The following WNT3 variants were observed in gnomAD, a reference collection of about 807,000 sequenced individuals.
The protein encoded by WNT3 is proto-oncogene Wnt-3.
In WNT3, 7 loss-of-function variants were observed where a neutral mutation model predicts 34.2. The ratio of observed to expected loss-of-function variants is 0.20; its 90% CI spans 0.12 to 0.38. The LOEUF (loss-of-function observed/expected upper bound fraction) is 0.38, where lower values mean the gene tolerates loss of function less well. WNT3 is among the 10% of genes least tolerant of loss of function. The probability of loss-of-function intolerance (pLI) is 1.00; values close to 1 mark genes in which losing one functional copy is unlikely to be tolerated. For synonymous variants in WNT3, 212 were observed against 211.5 expected, an observed-to-expected ratio of 1.00 and a Z score of -0.02; for missense variants, 267 against 499.8, an observed-to-expected ratio of 0.53 and a Z score of 4.44.
chr17:46,814,716 T>TC (rs35975804), intron 1 of WNT3, among the ~76,000 whole-genome samples: 1 of 152,060 alleles, frequency 6.6e-6, no homozygotes, highest in South Asian at 2.1e-4. Flanking sequence ...GGGGCCTTCC[T>TC]CCCCCGCAGT....
rs2059338674 is a variant in WNT3, at chr17:46,768,993, G to A, written c.589-194C>T. Among the ~76,000 whole-genome samples, 1 of 152,184 alleles carries A rather than the reference G, an allele frequency of 6.6e-6. No homozygotes were observed. Among genetic ancestry groups the A allele is most frequent in the Non-Finnish European group, 1.5e-5 (1 of 68,042 alleles). The stretch of plus-strand genomic sequence containing the variant: ...GTTTCCCTCCCCCTTCACACCCCAA[G>A]CATGGGTAGACAGCACGTCCACTTC... On this transcript the variant is annotated intron_variant, in intron 3 of 4. Transcript: ENST00000225512. The surrounding 1 kb of genome is among the most constrained non-coding windows in gnomAD (Gnocchi z 5.0).
Position 46,770,511 on chromosome 17 carries a change from CCT to C in WNT3, c.323-465_323-464del, listed in dbSNP as rs375491349. Reference sequence around the variant, plus strand: ...GAGGCCTGGGAATCTACAGCCTAAACCTGCCCAGGCCCACCCCTTCCGCACGT... The same window carrying C: ...GAGGCCTGGGAATCTACAGCCTAAACGCCCAGGCCCACCCCTTCCGCACGT... On this transcript the variant is annotated intron_variant, in intron 2 of 4. Transcript: ENST00000225512. Among the ~76,000 whole-genome samples, 600 of 152,284 alleles carry C rather than the reference CCT, an allele frequency of 3.9e-3. 5 individuals are homozygous for C. Among genetic ancestry groups the C allele is most frequent in the African/African-American group, 0.014 (563 of 41,546 alleles).
At chr17:46,789,542 T>C (rs1486441430) in intron 1 of WNT3, among the ~76,000 whole-genome samples, 1 of 152,206 alleles carries the variant, frequency 6.6e-6, no homozygotes, top group Non-Finnish European at 1.5e-5. Context: ...CCCTATGATG[T>C]TCTTTGGCCA....
At chr17:46,789,276 C>A (rs1189889518) in intron 1 of WNT3, among the ~76,000 whole-genome samples, 2 of 152,204 alleles carry the variant, frequency 1.3e-5, no homozygotes, top group Non-Finnish European at 2.9e-5. Context: ...GTCCCATCCA[C>A]TCTCTTATTC....
chr17:46,816,492 CACA>C, intron 1 of WNT3, among the ~76,000 whole-genome samples: 1 of 151,114 alleles, frequency 6.6e-6, no homozygotes, highest in African/African-American at 2.4e-5. Flanking sequence ...CACACACACA[CACA>C]CACACACACA....
chr17:46,816,569 A>C (rs1219594458), intron 1 of WNT3, among the ~76,000 whole-genome samples: 4 of 151,484 alleles, frequency 2.6e-5, no homozygotes, highest in African/African-American at 9.7e-5. Flanking sequence ...CAAATTCCCA[A>C]ACAAGCCATG....
chr17:46,769,708 T>TG, intron 3 of WNT3, 75 bp downstream of exon 3: 2 of 1,580,304 alleles, frequency 1.3e-6, no homozygotes, highest in South Asian at 2.2e-5. Flanking sequence ...AGGGGTGAGG[T>TG]GGGGGCCAGG....
intron 1 of WNT3, among the ~76,000 whole-genome samples, chr17:46,797,212 C>T (rs1191326962): frequency 6.6e-6 from 1 of 152,156 alleles, no homozygotes; most frequent in African/African-American, 2.4e-5. Flanking sequence ...AAGCCTTTCT[C>T]AACAGGATTA....
chr17:46,777,856 C>T (rs1399347127), intron 1 of WNT3, among the ~76,000 whole-genome samples: 4 of 152,226 alleles, frequency 2.6e-5, no homozygotes, highest in Non-Finnish European at 5.9e-5. Context: ...TCCTGAGCCT[C>T]AGTCATGATG....
chr17:46,793,272 T>TAAAAAAAAAAAAAAAA, intron 1 of WNT3, among the ~76,000 whole-genome samples: 1 of 41,950 alleles, frequency 2.4e-5, no homozygotes, highest in Non-Finnish European at 4.0e-5. Flanking sequence ...AGACCCTGTC[T>TAAAAAAAAAAAAAAAA]AAAAAAAAAA....
intron 1 of WNT3, among the ~76,000 whole-genome samples, chr17:46,816,684 CACCAG>C (rs2084354605): frequency 6.6e-6 from 1 of 152,004 alleles, no homozygotes; most frequent in African/African-American, 2.4e-5. Flanking sequence ...TACCATTTCA[CACCAG>C]AATCTACACC....
chr17:46,806,453 C>T (rs546910729), intron 1 of WNT3, among the ~76,000 whole-genome samples: 10 of 152,278 alleles, frequency 6.6e-5, no homozygotes, highest in African/African-American at 2.4e-4. Context: ...AGGTGATCTG[C>T]CTGCCTTTGT....
intron 1 of WNT3, among the ~76,000 whole-genome samples, chr17:46,783,860 T>C (rs2059481519): frequency 1.3e-5 from 2 of 152,180 alleles, no homozygotes; most frequent in Non-Finnish European, 2.9e-5. Context: ...AAAGGGGCCC[T>C]GAGTGCCAGA....
intron 1 of WNT3, among the ~76,000 whole-genome samples, chr17:46,786,231 A>T (rs962418371): frequency 6.6e-6 from 1 of 152,028 alleles, no homozygotes; most frequent in Non-Finnish European, 1.5e-5. Flanking sequence ...GGAAGAGGGG[A>T]CAAGAGGTGA....
intron 1 of WNT3, among the ~76,000 whole-genome samples, chr17:46,803,916 C>T (rs557241219): frequency 5.6e-4 from 86 of 152,248 alleles, no homozygotes; most frequent in African/African-American, 1.9e-3. Context: ...AGGCTGTAGG[C>T]GGGCATTTCT....
Position 46,768,259 on chromosome 17 carries a change from C to T in WNT3, c.*8+53G>A. On this transcript the variant is annotated intron_variant, in intron 4 of 4. Coordinates refer to ENST00000225512, the MANE Select transcript of WNT3 (RefSeq NM_030753.5). The surrounding 1 kb of genome is among the most constrained non-coding windows in gnomAD (Gnocchi z 5.0). ...CAAGAAGACGAGATGGGCAAACAAC[C>T]CCATTCCCTGCGCCCAGGCTCCCAG... 1 of 1,609,660 alleles carries T rather than the reference C, an allele frequency of 6.2e-7. No individual in the cohort carries two copies. Among genetic ancestry groups the T allele is most frequent in the South Asian group, 1.1e-5 (1 of 90,908 alleles).
intron 1 of WNT3, among the ~76,000 whole-genome samples, chr17:46,804,798 A>C (rs1420300152): frequency 1.3e-5 from 2 of 152,340 alleles, no homozygotes; most frequent in African/African-American, 4.8e-5. Flanking sequence ...AGAATGCACC[A>C]ATCAGTGCTC....
intron 1 of WNT3, among the ~76,000 whole-genome samples, chr17:46,789,213 C>T (rs2083947676): frequency 6.6e-6 from 1 of 152,210 alleles, no homozygotes; most frequent in Admixed American, 6.5e-5. Flanking sequence ...AGGCCACCCT[C>T]CCTGCCTCAC....
At chr17:46,770,342 C>CATA (rs1372877258) in intron 2 of WNT3, among the ~76,000 whole-genome samples, 8 of 152,238 alleles carry the variant, frequency 5.3e-5, no homozygotes, top group Non-Finnish European at 1.2e-4. Flanking sequence ...GACACCAAAC[C>CATA]TCTGGCAGGT....
Sources: allele counts gnomAD v4.1 joint callset (sites outside exome capture counted in the v4.1 genomes callset), GRCh38; gene constraint gnomAD v4.1.1; non-coding constraint Gnocchi (gnomAD v3.1); transcripts MANE v1.5; gene names NCBI Gene and HGNC (gene_info 2026-07-23, HGNC 2026-07-21).